RBFOX1: variants seen among roughly 807,000 people sequenced by gnomAD.
RBFOX1 encodes RNA binding protein fox-1 homolog 1.
RBFOX1 carries 8 observed loss-of-function variants against 57.7 expected under a neutral mutation model. The ratio of observed to expected loss-of-function variants is 0.14; its 90% confidence interval spans 0.08 to 0.25. RBFOX1 has a LOEUF of 0.25. Among genes scored for constraint, RBFOX1 ranks in the 10% least tolerant of loss-of-function variants. RBFOX1 has a pLI of 1.00. For missense variants in RBFOX1, 611 were observed against 548.5 expected, an observed-to-expected ratio of 1.11 and a Z score of -1.14; for synonymous variants, 326 against 222.4, an observed-to-expected ratio of 1.47 and a Z score of -4.15.
intron 1 of RBFOX1, among the ~76,000 whole-genome samples, chr16:6,315,898 A>G (rs2081059777): frequency 6.6e-6 from 1 of 152,186 alleles, no homozygotes; most frequent in African/African-American, 2.4e-5. Flanking sequence ...CCACATACAT[A>G]CACATATGTC....
chr16:5,601,177 T>G (rs1204291794), downstream of RBFOX1: 1 of 152,278 alleles, frequency 6.6e-6, no homozygotes, highest in Non-Finnish European at 1.5e-5. Flanking sequence ...ACAGTTTCTG[T>G]GGGTCAGGAA....
intron 1 of RBFOX1, among the ~76,000 whole-genome samples, chr16:6,139,296 G>A (rs2096693988): frequency 1.3e-5 from 2 of 152,184 alleles, no homozygotes; most frequent in African/African-American, 2.4e-5. Flanking sequence ...GTTTCAGGAA[G>A]TATAAGGAGG....
At chr16:7,601,908 C>T (rs1596322168) in intron 9 of RBFOX1, among the ~76,000 whole-genome samples, 2 of 152,170 alleles carry the variant, frequency 1.3e-5, no homozygotes, top group Admixed American at 6.5e-5. Context: ...CCAAACAAAA[C>T]ACCTTTGTAC....
At chr16:7,651,858 G>A (rs548796849) in intron 11 of RBFOX1, among the ~76,000 whole-genome samples, 2 of 152,322 alleles carry the variant, frequency 1.3e-5, no homozygotes, top group South Asian at 4.1e-4. Context: ...CATTCTCTGT[G>A]GACACAGTTT....
chr16:5,902,922 C>G (rs561196038), intron 4 of RBFOX1, among the ~76,000 whole-genome samples: 2 of 152,126 alleles, frequency 1.3e-5, no homozygotes, highest in South Asian at 2.1e-4. Context: ...ATCGAAGTGA[C>G]CATGTGCTAA....
chr16:6,963,043 C>A (rs916319519), intron 3 of RBFOX1, among the ~76,000 whole-genome samples: 1 of 152,130 alleles, frequency 6.6e-6, no homozygotes, highest in Non-Finnish European at 1.5e-5. Context: ...GAAACACAGT[C>A]ACTGTGTGAA....
At chr16:6,336,265 C>G (rs1449351616) in intron 2 of RBFOX1, among the ~76,000 whole-genome samples, 2 of 128,018 alleles carry the variant, frequency 1.6e-5, no homozygotes, top group African/African-American at 5.7e-5. Flanking sequence ...GTGGCGAGAT[C>G]TCGGCTCACT....
intron 1 of RBFOX1, among the ~76,000 whole-genome samples, chr16:5,431,598 C>G (rs2151513596): frequency 6.6e-6 from 1 of 152,270 alleles, no homozygotes; most frequent in South Asian, 2.1e-4. Flanking sequence ...TGGTCTCGAA[C>G]TCCTGACCTT....
At chr16:5,273,257 C>G (rs1281884410) in intron 1 of RBFOX1, among the ~76,000 whole-genome samples, 2 of 151,002 alleles carry the variant, frequency 1.3e-5, no homozygotes, top group Non-Finnish European at 2.9e-5. Context: ...GGTTTTCCAT[C>G]CTTTTGCTTG....
chr16:7,575,519 G>A (rs910028141), intron 5 of RBFOX1, among the ~76,000 whole-genome samples: 1 of 152,152 alleles, frequency 6.6e-6, no homozygotes, highest in Non-Finnish European at 1.5e-5. Flanking sequence ...CATTGAAGCA[G>A]AGGATGGAAG....
chr16:5,481,775 T>G (rs1294267789), intron 2 of RBFOX1, among the ~76,000 whole-genome samples: 2 of 152,186 alleles, frequency 1.3e-5, no homozygotes, highest in African/African-American at 4.8e-5. Context: ...GGTGTCAGCA[T>G]GTTGGTTCCT....
intron 2 of RBFOX1, among the ~76,000 whole-genome samples, chr16:6,611,067 C>A (rs193268027): frequency 6.6e-6 from 1 of 152,072 alleles, no homozygotes; most frequent in African/African-American, 2.4e-5. Context: ...CCATTAAGGC[C>A]TAAGAAGCAA....
chr16:6,078,557 T>A (rs1446821277), intron 1 of RBFOX1, among the ~76,000 whole-genome samples: 1 of 152,182 alleles, frequency 6.6e-6, no homozygotes, highest in Admixed American at 6.5e-5. Flanking sequence ...CATTTCTACC[T>A]AGCTGTGTGA....
intron 1 of RBFOX1, among the ~76,000 whole-genome samples, chr16:6,138,019 A>T (rs1454906555): frequency 6.6e-6 from 1 of 152,192 alleles, no homozygotes; most frequent in African/African-American, 2.4e-5. Context: ...TCAGGACTGG[A>T]GCAACGCTTC....
chr16:7,062,905 T>A (rs868109372), intron 4 of RBFOX1, among the ~76,000 whole-genome samples: 2,312 of 128,326 alleles, frequency 0.018, 125 homozygotes, highest in African/African-American at 0.076. Flanking sequence ...TTTTTTTTTT[T>A]TTTTTTTTTT....
At chr16:7,287,615 A>T (rs1274878573) in intron 4 of RBFOX1, among the ~76,000 whole-genome samples, 1 of 152,200 alleles carries the variant, frequency 6.6e-6, no homozygotes, top group East Asian at 1.9e-4. Flanking sequence ...CCTTATAATG[A>T]AAGTACTTCA....
At chr16:7,561,493 C>T (rs1007339250) in intron 5 of RBFOX1, among the ~76,000 whole-genome samples, 4 of 152,186 alleles carry the variant, frequency 2.6e-5, no homozygotes, top group South Asian at 2.1e-4. Flanking sequence ...TGAGAAACTC[C>T]GAAATATCCT....
At chr16:7,677,467 A>G (rs993480679) in intron 14 of RBFOX1, among the ~76,000 whole-genome samples, 2 of 152,152 alleles carry the variant, frequency 1.3e-5, no homozygotes, top group African/African-American at 4.8e-5. Context: ...AGTGGAAGGA[A>G]CACAGTGTGT....
At chr16:7,294,170 T>G (rs923576634) in intron 4 of RBFOX1, among the ~76,000 whole-genome samples, 1 of 152,100 alleles carries the variant, frequency 6.6e-6, no homozygotes, top group African/African-American at 2.4e-5. Flanking sequence ...AAAGTAGACC[T>G]TCCCACCCAC....
Sources: allele counts gnomAD v4.1 joint callset (sites outside exome capture counted in the v4.1 genomes callset), GRCh38; gene constraint gnomAD v4.1.1; transcripts MANE v1.5; gene names NCBI Gene and HGNC (gene_info 2026-07-23, HGNC 2026-07-21).